The following TNS3 variants were observed in gnomAD, a reference collection of about 807,000 sequenced individuals.
The protein encoded by TNS3 is tensin 3.
A neutral mutation model predicts 140.9 loss-of-function variants in TNS3; 45 were observed. That is an observed-to-expected ratio of 0.32 (90% CI 0.25 to 0.41). TNS3 has a LOEUF of 0.41. Among genes scored for constraint, TNS3 ranks in the 10% least tolerant of loss-of-function variants. The probability of loss-of-function intolerance (pLI) is 1.00; values close to 1 mark genes in which losing one functional copy is unlikely to be tolerated. For missense variants in TNS3, 1,716 were observed against 1,906.7 expected, an observed-to-expected ratio of 0.90 and a Z score of 1.86; for synonymous variants, 815 against 788.4, an observed-to-expected ratio of 1.03 and a Z score of -0.56.
intron 16 of TNS3, among the ~76,000 whole-genome samples, chr7:47,380,304 C>T (rs1359264910): frequency 3.3e-4 from 51 of 152,360 alleles, no homozygotes; most frequent in Admixed American, 3.3e-3. Context: ...GACTGGGCAG[C>T]TCAGTTCCCT....
chr7:47,479,464 T>C (rs1167077214), intron 4 of TNS3, among the ~76,000 whole-genome samples: 1 of 150,012 alleles, frequency 6.7e-6, no homozygotes, highest in Non-Finnish European at 1.5e-5. Context: ...GGCTCCCAAG[T>C]CCCCCCACGC....
At chr7:47,463,287 A>G (rs1345055434) in intron 4 of TNS3, among the ~76,000 whole-genome samples, 1 of 152,140 alleles carries the variant, frequency 6.6e-6, no homozygotes, top group East Asian at 1.9e-4. Context: ...TCTACTAAAA[A>G]TGTACAAATT....
chr7:47,536,800 C>G (rs1799614123), intron 1 of TNS3, among the ~76,000 whole-genome samples: 1 of 152,228 alleles, frequency 6.6e-6, no homozygotes, highest in African/African-American at 2.4e-5. Context: ...CCTGCACACA[C>G]AGACGCGCGC....
intron 1 of TNS3, among the ~76,000 whole-genome samples, chr7:47,573,756 A>G (rs1191258826): frequency 6.6e-6 from 1 of 152,230 alleles, no homozygotes; most frequent in African/African-American, 2.4e-5. Context: ...GAGAAACATT[A>G]GGATGAGTCT....
intron 1 of TNS3, among the ~76,000 whole-genome samples, chr7:47,553,132 AG>A (rs1161937815): frequency 6.6e-6 from 1 of 152,220 alleles, no homozygotes; most frequent in Non-Finnish European, 1.5e-5. Flanking sequence ...AAGCTAGCAG[AG>A]GTTGGCTCAA....
At chr7:47,419,259 G>A (rs1794246768) in intron 10 of TNS3, among the ~76,000 whole-genome samples, 2 of 152,226 alleles carry the variant, frequency 1.3e-5, no homozygotes, top group Admixed American at 1.3e-4. Context: ...GGCTCAGAGG[G>A]GATGTCCAGG....
At chr7:47,278,763 A>G (rs1372077365) in intron 30 of TNS3, 1 of 152,660 alleles carries the variant, frequency 6.6e-6, no homozygotes, top group Non-Finnish European at 1.5e-5. Context: ...AACTACATAG[A>G]CTTCAGGGAG....
intron 2 of TNS3, among the ~76,000 whole-genome samples, chr7:47,525,215 C>T (rs536295030): frequency 4.6e-5 from 7 of 152,256 alleles, no homozygotes; most frequent in Non-Finnish European, 7.4e-5. Context: ...TCGGAGGTGA[C>T]GCTCTAGGTG....
chr7:47,365,488 G>A (rs969443442), intron 17 of TNS3, among the ~76,000 whole-genome samples: 11 of 151,832 alleles, frequency 7.2e-5, no homozygotes, highest in African/African-American at 2.4e-4. Flanking sequence ...GTTTGGCTGG[G>A]AGCAACGGCT....
At chr7:47,514,093 C>G (rs548402687) in intron 2 of TNS3, among the ~76,000 whole-genome samples, 1 of 152,330 alleles carries the variant, frequency 6.6e-6, no homozygotes, top group Non-Finnish European at 1.5e-5. Flanking sequence ...TATAAACAAG[C>G]CTGTGAGTCA....
rs566292006 is a variant in TNS3, at chr7:47,321,864, T to C, written c.2651-16861A>G. Among the ~76,000 whole-genome samples, 16 of 152,076 alleles carry C rather than the reference T, an allele frequency of 1.1e-4. No individual in the cohort carries two copies. The South Asian group carries it at 3.3e-3, about 32-fold the overall frequency. ...AATGCACAACACAATATAAAAGACC[T>C]CCTTGTCTACAGCACTCAAGCCTCT... is the stretch of plus-strand genomic sequence containing the variant. On this transcript the variant is annotated intron_variant, in intron 20 of 30. Transcript: ENST00000311160.
chr7:47,492,757 A>G (rs1349072785), intron 3 of TNS3, among the ~76,000 whole-genome samples: 2 of 152,216 alleles, frequency 1.3e-5, no homozygotes, highest in Admixed American at 6.5e-5. Context: ...GGCTTTTAAA[A>G]TGAGGGGTGG....
intron 4 of TNS3, among the ~76,000 whole-genome samples, chr7:47,456,608 G>A (rs773115584): frequency 8.5e-5 from 13 of 152,188 alleles, no homozygotes; most frequent in Non-Finnish European, 1.9e-4. Context: ...CATTCAGGAT[G>A]TGAGGAGAAG....
intron 20 of TNS3, among the ~76,000 whole-genome samples, chr7:47,339,640 C>A (rs993071085): frequency 1.3e-5 from 2 of 152,140 alleles, no homozygotes; most frequent in African/African-American, 4.8e-5. Context: ...CCACTTAATT[C>A]TTTCTCAAAG....
intron 24 of TNS3, among the ~76,000 whole-genome samples, chr7:47,295,425 C>T (rs908177464): frequency 6.6e-6 from 1 of 152,204 alleles, no homozygotes; most frequent in Non-Finnish European, 1.5e-5. Context: ...GGTCCTGCGA[C>T]CCTCTTTCCT....
chr7:47,283,608 C>A, intron 28 of TNS3, 89 bp downstream of exon 28: 1 of 1,286,176 alleles, frequency 7.8e-7, no homozygotes, highest in South Asian at 2.2e-5. Flanking sequence ...AATGATTTAC[C>A]TGGATGACTA....
chr7:47,425,330 CA>C (rs1392884458), intron 9 of TNS3, among the ~76,000 whole-genome samples: 3 of 151,286 alleles, frequency 2.0e-5, no homozygotes, highest in Non-Finnish European at 2.9e-5. Context: ...ACAACAACAA[CA>C]ACAACAACAA....
At chr7:47,430,224 G>A (rs540100599) in intron 8 of TNS3, among the ~76,000 whole-genome samples, 32 of 151,534 alleles carry the variant, frequency 2.1e-4, no homozygotes, top group Non-Finnish European at 3.7e-4. Context: ...CACCTCCCGA[G>A]TTCAAGCGAT....
chr7:47,283,473 C>G (rs1410436340), intron 28 of TNS3, among the ~76,000 whole-genome samples: 1 of 152,092 alleles, frequency 6.6e-6, no homozygotes, highest in Non-Finnish European at 1.5e-5. Context: ...TTTTATTTTA[C>G]TGATTTCTAA....
Sources: allele counts gnomAD v4.1 joint callset (sites outside exome capture counted in the v4.1 genomes callset), GRCh38; gene constraint gnomAD v4.1.1; transcripts MANE v1.5; gene names NCBI Gene and HGNC (gene_info 2026-07-23, HGNC 2026-07-21).